CSMD1: variants seen among roughly 807,000 people sequenced by gnomAD.
CSMD1 encodes the protein CUB and Sushi multiple domains 1, also known as CUB and sushi domain-containing protein 1.
In CSMD1, 213 loss-of-function variants were observed where a neutral mutation model predicts 417.5. The observed-to-expected ratio is 0.51, with a 90% confidence interval of 0.46 to 0.57. The LOEUF (loss-of-function observed/expected upper bound fraction) is 0.57, where lower values mean the gene tolerates loss of function less well. Among genes scored for constraint, CSMD1 ranks in the 20% least tolerant of loss-of-function variants. CSMD1 has a pLI of 0.00. For synonymous variants in CSMD1, 2,862 were observed against 1,736.8 expected, an observed-to-expected ratio of 1.65 and a Z score of -16.11; for missense variants, 6,923 against 4,529.7, an observed-to-expected ratio of 1.53 and a Z score of -15.17.
chr8:4,858,327 T>C (rs1801927069), intron 1 of CSMD1, among the ~76,000 whole-genome samples: 1 of 151,660 alleles, frequency 6.6e-6, no homozygotes, highest in Non-Finnish European at 1.5e-5. Flanking sequence ...GGGCAAAAAC[T>C]GGAAGCATTC....
chr8:4,903,016 TA>T (rs1563721264), intron 1 of CSMD1, among the ~76,000 whole-genome samples: 862 of 42,484 alleles, frequency 0.02, 11 homozygotes, highest in African/African-American at 0.039. Flanking sequence ...TAATAATAAA[TA>T]AATAAATAAA....
At chr8:3,904,491 G>A (rs1235192524) in intron 5 of CSMD1, among the ~76,000 whole-genome samples, 2 of 152,132 alleles carry the variant, frequency 1.3e-5, no homozygotes, top group East Asian at 3.8e-4. Context: ...TTGTTCTACG[G>A]TGCGGCTTGG....
At chr8:3,392,053 C>A (rs560469500) in intron 17 of CSMD1, among the ~76,000 whole-genome samples, 2 of 136,730 alleles carry the variant, frequency 1.5e-5, no homozygotes, top group South Asian at 4.5e-4. Flanking sequence ...GGGAATTGAA[C>A]AATGAGAACA....
At chr8:4,045,569 C>A (rs1798107739) in intron 3 of CSMD1, among the ~76,000 whole-genome samples, 1 of 152,080 alleles carries the variant, frequency 6.6e-6, no homozygotes, top group Admixed American at 6.5e-5. Context: ...AGAGGATGTG[C>A]AATGCTTTAG....
chr8:4,446,759 G>GTGTGTGTGTGTGTGTC (rs1554480697), intron 2 of CSMD1, among the ~76,000 whole-genome samples: 24 of 47,112 alleles, frequency 5.1e-4, no homozygotes, highest in African/African-American at 2.3e-3. Context: ...GTGTGTCTGT[G>GTGTGTGTGTGTGTGTC]TGTGTGTGTG....
intron 3 of CSMD1, among the ~76,000 whole-genome samples, chr8:4,175,840 T>A (rs1195798057): frequency 1.3e-5 from 2 of 152,282 alleles, no homozygotes; most frequent in East Asian, 3.9e-4. Flanking sequence ...TGAAAGTAAC[T>A]GGAAAGAAAT....
intron 3 of CSMD1, among the ~76,000 whole-genome samples, chr8:4,345,547 G>C (rs1159913169): frequency 6.6e-6 from 1 of 152,068 alleles, no homozygotes; most frequent in African/African-American, 2.4e-5. Context: ...GGAAATATAT[G>C]CAAATCACTC....
chr8:4,038,215 T>A (rs1797715060), intron 3 of CSMD1, among the ~76,000 whole-genome samples: 1 of 152,150 alleles, frequency 6.6e-6, no homozygotes, highest in South Asian at 2.1e-4. Flanking sequence ...TTTAAAAAGT[T>A]TTTGTAAAAA....
In CSMD1 at chr8:2,936,633, T is replaced by C. The variant is rs1013905784; in HGVS notation, c.*1952A>G. The C allele has an allele frequency of 2.0e-5, 3 of 152,094 alleles. No individual in the cohort carries two copies. The highest frequency in any genetic ancestry group is 7.2e-5 in the African/African-American group (3 of 41,392). 9.4% of individuals were successfully genotyped at this position (152,094 alleles called of 1,614,324 possible). A position where few individuals can be genotyped will look rare whatever the true frequency, so the allele number is the denominator to read the frequency against. ...GAGAATTCAGCATAATGATACAGAATCCAACAGCGTGGGGTTCACAAGACA... is the reference window on the plus strand; with the variant it reads ...GAGAATTCAGCATAATGATACAGAACCCAACAGCGTGGGGTTCACAAGACA... On this transcript the variant is annotated 3_prime_UTR_variant, in exon 70 of 70. Coordinates refer to ENST00000635120, the MANE Select transcript of CSMD1 (RefSeq NM_033225.6).
intron 2 of CSMD1, among the ~76,000 whole-genome samples, chr8:4,633,606 G>C (rs546774495): frequency 2.0e-5 from 3 of 152,078 alleles, no homozygotes; most frequent in East Asian, 1.9e-4. Context: ...ACCCAGGCTG[G>C]AGTGCAGTGG....
At chr8:4,712,935 G>C (rs1374686153) in intron 1 of CSMD1, among the ~76,000 whole-genome samples, 3 of 152,100 alleles carry the variant, frequency 2.0e-5, no homozygotes, top group Non-Finnish European at 4.4e-5. Flanking sequence ...TACAAGTCTC[G>C]CAATTAGAAA....
intron 5 of CSMD1, among the ~76,000 whole-genome samples, chr8:3,982,722 C>A (rs758996494): frequency 1.3e-5 from 2 of 151,992 alleles, no homozygotes; most frequent in African/African-American, 4.8e-5. Context: ...GGGAAGCACC[C>A]GGCATCTGTA....
chr8:4,290,633 C>G (rs145103287), intron 3 of CSMD1, among the ~76,000 whole-genome samples: 1 of 152,194 alleles, frequency 6.6e-6, no homozygotes, highest in East Asian at 1.9e-4. Context: ...AGGAAAGATT[C>G]CTTGTGAGAA....
At chr8:4,145,969 T>G (rs1714812) in intron 3 of CSMD1, among the ~76,000 whole-genome samples, 1 of 150,738 alleles carries the variant, frequency 6.6e-6, no homozygotes, top group Non-Finnish European at 1.5e-5. Flanking sequence ...ACCGCTGTCA[T>G]TTGTAGACAG....
At chr8:3,898,456 T>A (rs985225291) in intron 5 of CSMD1, among the ~76,000 whole-genome samples, 1 of 152,236 alleles carries the variant, frequency 6.6e-6, no homozygotes, top group African/African-American at 2.4e-5. Context: ...GTAAGTTGAA[T>A]AATATTATGG....
chr8:4,298,559 C>T (rs1044151399), intron 3 of CSMD1, among the ~76,000 whole-genome samples: 4 of 152,020 alleles, frequency 2.6e-5, no homozygotes, highest in South Asian at 2.1e-4. Flanking sequence ...TGTACTTGTA[C>T]CCAATGAATT....
chr8:4,292,517 G>A (rs762644816), intron 3 of CSMD1, among the ~76,000 whole-genome samples: 2 of 152,112 alleles, frequency 1.3e-5, no homozygotes, highest in Non-Finnish European at 2.9e-5. Context: ...CTCCCCGAGT[G>A]CTGGGATTAC....
intron 65 of CSMD1, 58 bp from the exon 66 acceptor site, chr8:2,951,333 C>CATT (rs1802614380): frequency 6.6e-7 from 1 of 1,508,036 alleles, no homozygotes; most frequent in African/African-American, 1.4e-5. Context: ...TAAATTCAGA[C>CATT]ATTATTAAAC....
chr8:3,258,326 C>G (rs759264919), intron 26 of CSMD1, among the ~76,000 whole-genome samples: 1 of 152,012 alleles, frequency 6.6e-6, no homozygotes, highest in South Asian at 2.1e-4. Flanking sequence ...TACATGTTGC[C>G]AACAATCGTG....
Sources: allele counts gnomAD v4.1 joint callset (sites outside exome capture counted in the v4.1 genomes callset), GRCh38; gene constraint gnomAD v4.1.1; transcripts MANE v1.5; gene names NCBI Gene and HGNC (gene_info 2026-07-23, HGNC 2026-07-21).